The following DRICH1 variants were observed in gnomAD, a reference collection of about 807,000 sequenced individuals.
DRICH1 encodes aspartate-rich protein 1.
Under a neutral mutation model 39.5 loss-of-function variants are expected in DRICH1, and 38 were observed. The observed-to-expected ratio is 0.96, with a 90% CI of 0.74 to 1.26. The LOEUF (loss-of-function observed/expected upper bound fraction) is 1.26, where lower values mean the gene tolerates loss of function less well. Among genes scored for constraint, DRICH1 ranks in the 50% most tolerant of loss-of-function variants. DRICH1 has a pLI of 0.00. For missense variants in DRICH1, 279 were observed against 270.4 expected, an observed-to-expected ratio of 1.03 and a Z score of -0.22; for synonymous variants, 84 against 99.5, an observed-to-expected ratio of 0.84 and a Z score of 0.93.
rs1927790222 is a variant in DRICH1, at chr22:23,622,257, T to C, written c.299-81A>G. 17 of 1,256,886 alleles carry C rather than the reference T, an allele frequency of 1.4e-5. 1 individual carries two copies. The South Asian group carries it at 2.0e-4, about 15-fold the overall frequency. The allele number at this position is 1,256,886 out of a possible 1,614,324, so 77.9% of individuals were successfully genotyped here. ...TCAGGGAGCTTTGCTGGATGTGGTG[T>C]ATGGAGGTGGTTGATTAACAAGCAT... On this transcript the variant is annotated intron_variant, in intron 3 of 11. Transcript: ENST00000317749.
At chr22:23,601,976 G>C in the DRICH1 span, among the ~76,000 whole-genome samples, 702 of 128,922 alleles carry the variant, frequency 5.4e-3, no homozygotes, top group African/African-American at 0.018. Context: ...CTGAGAGCAG[G>C]GGCTCACCCC....
intron 8 of DRICH1, among the ~76,000 whole-genome samples, chr22:23,616,545 G>A (rs1927358086): frequency 6.6e-6 from 1 of 152,146 alleles, no homozygotes; most frequent in African/African-American, 2.4e-5. Context: ...TACCTGGAAA[G>A]GCATACTCTT....
the DRICH1 span, among the ~76,000 whole-genome samples, chr22:23,601,928 G>A: frequency 3.9e-5 from 6 of 152,176 alleles, no homozygotes; most frequent in East Asian, 9.6e-4. Context: ...AGGGCTGAGA[G>A]CAGGGGCTCA....
chr22:23,627,671 G>A (rs572394677), intron 1 of DRICH1, among the ~76,000 whole-genome samples: 6 of 152,280 alleles, frequency 3.9e-5, no homozygotes, highest in Non-Finnish European at 7.4e-5. Flanking sequence ...GGGGAAGAGC[G>A]TGGCCCTGCA....
Position 23,612,416 on chromosome 22 carries a change from G to A in DRICH1, c.685+873C>T, listed in dbSNP as rs559507071. Reference sequence around the variant, plus strand: ...CGGGAGGCGGAGCTTGCAGTGAGCCGAGATCGCACCACTGCACTCCAGCCT... The same window carrying A: ...CGGGAGGCGGAGCTTGCAGTGAGCCAAGATCGCACCACTGCACTCCAGCCT... On this transcript the variant is annotated intron_variant, in intron 11 of 11. Coordinates refer to ENST00000317749, the MANE Select transcript of DRICH1 (RefSeq NM_016449.4). Among the ~76,000 whole-genome samples, 4 of 138,874 alleles carry A rather than the reference G, an allele frequency of 2.9e-5. No individual in the cohort carries two copies. The East Asian group carries it at 6.5e-4, about 23-fold the overall frequency. 91.1% of individuals were successfully genotyped at this position (138,874 alleles called of 152,430 possible). A position where few individuals can be genotyped will look rare whatever the true frequency, so the allele number is the denominator to read the frequency against.
At chr22:23,590,629 C>T in the DRICH1 span, among the ~76,000 whole-genome samples, 4 of 151,390 alleles carry the variant, frequency 2.6e-5, no homozygotes, top group African/African-American at 7.3e-5. Flanking sequence ...GATGGAGTCT[C>T]GTTCTGTCAC....
At chr22:23,597,417 C>T in the DRICH1 span, among the ~76,000 whole-genome samples, 412 of 134,954 alleles carry the variant, frequency 3.1e-3, 8 homozygotes, top group African/African-American at 0.011. Context: ...GTCAGTGCAT[C>T]TATTGAGCCC....
At chr22:23,625,671 T>A (rs1403065819) in intron 2 of DRICH1, among the ~76,000 whole-genome samples, 2 of 152,078 alleles carry the variant, frequency 1.3e-5, no homozygotes, top group East Asian at 3.9e-4. Context: ...CAAAATGCAG[T>A]AAGACAACCA....
chr22:23,609,759 G>T (rs995114883), intron 11 of DRICH1, among the ~76,000 whole-genome samples: 2 of 152,146 alleles, frequency 1.3e-5, no homozygotes, highest in African/African-American at 4.8e-5. Context: ...ATCCCTGTTT[G>T]CATCAGGGGC....
At chr22:23,624,260 CCACAGGCTCTGAGATTTTGCAGTGG>C (rs1331645498) in intron 3 of DRICH1, 1 of 985,262 alleles carries the variant, frequency 1.0e-6, no homozygotes, top group Non-Finnish European at 1.2e-6. Flanking sequence ...GTGTCCCAAA[CCACAGGCTCTGAGATTTTGCAGTGG>C]CACAGGCAGA....
chr22:23,626,559 T>C (rs1306928337), intron 1 of DRICH1, among the ~76,000 whole-genome samples: 1 of 152,104 alleles, frequency 6.6e-6, no homozygotes, highest in African/African-American at 2.4e-5. Context: ...CCTCCTAGAG[T>C]ATCATTCTCT....
At chr22:23,597,126 T>A in the DRICH1 span, among the ~76,000 whole-genome samples, 48,388 of 105,396 alleles carry the variant, frequency 0.46, 12,401 homozygotes, top group East Asian at 0.62. Context: ...TTTCATTGAC[T>A]GACCCATCTT....
the DRICH1 span, among the ~76,000 whole-genome samples, chr22:23,601,695 G>A: frequency 1.3e-5 from 2 of 152,212 alleles, no homozygotes; most frequent in Non-Finnish European, 2.9e-5. Context: ...TGCTACCGTT[G>A]AGGGAACTGG....
chr22:23,599,272 C>T, the DRICH1 span, among the ~76,000 whole-genome samples: 6 of 152,204 alleles, frequency 3.9e-5, no homozygotes, highest in Admixed American at 1.3e-4. Flanking sequence ...CCTGCTGGCC[C>T]AGCCCAGTGT....
chr22:23,600,634 C>G, the DRICH1 span, among the ~76,000 whole-genome samples: 1 of 152,062 alleles, frequency 6.6e-6, no homozygotes, highest in Non-Finnish European at 1.5e-5. Flanking sequence ...TGTCCCCACC[C>G]CCACTAGCCT....
chr22:23,618,797 G>A (rs1927530792), intron 6 of DRICH1, among the ~76,000 whole-genome samples: 1 of 152,158 alleles, frequency 6.6e-6, no homozygotes, highest in Non-Finnish European at 1.5e-5. Flanking sequence ...CATGAGTACG[G>A]GGGTGATTTT....
downstream of DRICH1, among the ~76,000 whole-genome samples, chr22:23,606,756 C>T (rs1460985114): frequency 6.6e-6 from 1 of 152,176 alleles, no homozygotes; most frequent in African/African-American, 2.4e-5. Context: ...CTGTGCCCTG[C>T]TACGGCAGAT....
the DRICH1 span, among the ~76,000 whole-genome samples, chr22:23,592,395 G>GT: frequency 6.6e-6 from 1 of 151,924 alleles, no homozygotes; most frequent in Non-Finnish European, 1.5e-5. Context: ...GCAAGACTGG[G>GT]GGGGGGCGGT....
chr22:23,586,685 A>G, the DRICH1 span, among the ~76,000 whole-genome samples: 1 of 152,164 alleles, frequency 6.6e-6, no homozygotes, highest in Non-Finnish European at 1.5e-5. Context: ...CTGGGATTAC[A>G]GGCACATACC....
Sources: allele counts gnomAD v4.1 joint callset (sites outside exome capture counted in the v4.1 genomes callset), GRCh38; gene constraint gnomAD v4.1.1; transcripts MANE v1.5; gene names NCBI Gene and HGNC (gene_info 2026-07-23, HGNC 2026-07-21).